DDX59: variants seen among roughly 807,000 people sequenced by gnomAD.
DDX59 encodes probable ATP-dependent RNA helicase DDX59.
DDX59 carries 30 observed loss-of-function variants against 51.9 expected under a neutral mutation model. That is an observed-to-expected ratio of 0.58 (90% CI 0.43 to 0.78). DDX59 has a LOEUF of 0.78. Ranked by LOEUF, DDX59 falls within the 30% of genes least tolerant of loss-of-function variation. DDX59 has a pLI of 0.00. For missense variants in DDX59, 672 were observed against 730.8 expected, an observed-to-expected ratio of 0.92 and a Z score of 0.93; for synonymous variants, 255 against 253.3, an observed-to-expected ratio of 1.01 and a Z score of -0.06.
chr1:200,666,188 G>C lies in DDX59; in HGVS notation c.553C>G (p.Leu185Val), dbSNP rs1482504831. Residue 185 changes from leucine (L) to valine (V), a missense_variant, in exon 2 of 8, where the codon CTT becomes GTT. Transcript: ENST00000331314. ...LNLQEDQIEN[L>V]KQQLGILVQG... ...ACTAAAATTCCCAGCTGCTGTTTAA[G>C]ATTTTCAATCTGGTCTTCCTGAAGG... The C allele has an allele frequency of 3.7e-6, 6 of 1,614,078 alleles. No homozygotes were observed. Among genetic ancestry groups the C allele is most frequent in the Non-Finnish European group, 4.2e-6 (5 of 1,180,042 alleles).
At chr1:200,667,350 T>G (rs1382367576) in intron 1 of DDX59, among the ~76,000 whole-genome samples, 1 of 152,140 alleles carries the variant, frequency 6.6e-6, no homozygotes, top group African/African-American at 2.4e-5. Context: ...GCGGTGAGCC[T>G]AAGACCTCAC....
chr1:200,652,007 C>CA (rs71135375), intron 4 of DDX59, among the ~76,000 whole-genome samples: 53 of 82,858 alleles, frequency 6.4e-4, no homozygotes, highest in Admixed American at 1.1e-3. Flanking sequence ...GCCTCCGTCT[C>CA]AAAAAAAAAA....
At chr1:200,648,277 T>A (rs1212610481) in intron 7 of DDX59, among the ~76,000 whole-genome samples, 162 bp downstream of exon 7, 2 of 152,110 alleles carry the variant, frequency 1.3e-5, no homozygotes, top group African/African-American at 2.4e-5. Context: ...GATCCATCCA[T>A]TTCGAGTGAT....
chr1:200,655,933 C>T (rs1345959356), intron 4 of DDX59, among the ~76,000 whole-genome samples: 3 of 152,114 alleles, frequency 2.0e-5, no homozygotes, highest in East Asian at 1.9e-4. Context: ...CGGGTTCAAG[C>T]GATTCTCTTG....
At chr1:200,658,926 G>A in intron 4 of DDX59, 101 bp downstream of exon 4, 7 of 1,007,010 alleles carry the variant, frequency 7.0e-6, no homozygotes, top group East Asian at 2.5e-5. Context: ...GGTTTTTTTT[G>A]AGAGAGAGAA....
intron 1 of DDX59, among the ~76,000 whole-genome samples, chr1:200,666,959 T>C (rs1347856518): frequency 2.1e-5 from 3 of 145,894 alleles, no homozygotes; most frequent in African/African-American, 5.1e-5. Flanking sequence ...AATACAAAAA[T>C]TAACTGGGCA....
intron 4 of DDX59, among the ~76,000 whole-genome samples, chr1:200,655,853 G>C (rs536442817): frequency 6.7e-6 from 1 of 149,336 alleles, no homozygotes; most frequent in South Asian, 2.1e-4. Flanking sequence ...TTTTTGAGAC[G>C]GAGTTTCACT....
chr1:200,664,713 T>C (rs1025032126), intron 2 of DDX59, among the ~76,000 whole-genome samples: 4 of 152,156 alleles, frequency 2.6e-5, no homozygotes. Flanking sequence ...TTCACTCTTA[T>C]TGCCCAGGCT....
chr1:200,649,159 C>T lies in DDX59; in HGVS notation c.1382G>A (p.Ser461Asn), dbSNP rs1419515113. Reference protein sequence around the residue: ...VDCKLGADLLSEAVQKITGLK... With the variant: ...VDCKLGADLLNEAVQKITGLK... ...CCCTGTGATTTTCTGAACGGCTTCA[C>T]TCAAAAGATCTGCTCCTAGTTTGCA... Residue 461 changes from serine (S) to asparagine (N), a missense_variant, in exon 6 of 8, where the codon AGT becomes AAT. Ser to Asn is a conservative substitution (Grantham distance 46). Transcript: ENST00000331314. The T allele has an allele frequency of 6.3e-7, 1 of 1,598,042 alleles. No individual in the cohort carries two copies. The highest frequency in any genetic ancestry group is 1.1e-5 in the South Asian group (1 of 87,890).
At chr1:200,643,111 T>C (rs1661095777), downstream of DDX59, among the ~76,000 whole-genome samples, 1 of 151,896 alleles carries the variant, frequency 6.6e-6, no homozygotes, top group Non-Finnish European at 1.5e-5. Context: ...AGGAGGATCA[T>C]TTGAGGCCAG....
intron 3 of DDX59, among the ~76,000 whole-genome samples, chr1:200,659,645 T>C (rs1189204452): frequency 1.3e-5 from 2 of 152,242 alleles, no homozygotes; most frequent in Non-Finnish European, 2.9e-5. Flanking sequence ...AAGTGATTTC[T>C]AAGGTTGCTT....
At position 200,649,063 on chromosome 1, in the gene DDX59, G is replaced by T; in HGVS notation, c.1467+11C>A. ...TATAGAAAACAGAATATAGAATATT[G>T]GGTGTCAAACCTTCAATATGTTTTT... On this transcript the variant is annotated intron_variant, in intron 6 of 7. Coordinates refer to ENST00000331314, the MANE Select transcript of DDX59 (RefSeq NM_001031725.6). 1 of 1,545,608 alleles carries T rather than the reference G, an allele frequency of 6.5e-7. No homozygotes were observed. Among genetic ancestry groups the T allele is most frequent in the South Asian group, 1.3e-5 (1 of 79,106 alleles).
intron 7 of DDX59, among the ~76,000 whole-genome samples, chr1:200,645,231 A>T (rs564450972): frequency 3.5e-4 from 54 of 152,324 alleles, no homozygotes; most frequent in African/African-American, 1.3e-3. Context: ...AGGCTACTTA[A>T]GAGGCCTTGA....
At chr1:200,646,936 C>T (rs768306329) in intron 7 of DDX59, among the ~76,000 whole-genome samples, 2 of 152,090 alleles carry the variant, frequency 1.3e-5, no homozygotes, top group East Asian at 1.9e-4. Flanking sequence ...AGTACCGATA[C>T]GTTCTATGAT....
downstream of DDX59, among the ~76,000 whole-genome samples, chr1:200,641,660 A>G (rs1388548185): frequency 6.6e-6 from 1 of 151,716 alleles, no homozygotes; most frequent in Non-Finnish European, 1.5e-5. Context: ...CCTGAGGTCC[A>G]GAGTTTGAGA....
chr1:200,640,942 G>C (rs921384981), downstream of DDX59: 1 of 215,062 alleles, frequency 4.6e-6, no homozygotes, highest in Middle Eastern at 2.0e-3. Flanking sequence ...TATAAAATAG[G>C]TTCTCACACT....
chr1:200,660,840 G>A (rs1662330113), intron 3 of DDX59, among the ~76,000 whole-genome samples: 1 of 152,154 alleles, frequency 6.6e-6, no homozygotes, highest in African/African-American at 2.4e-5. Flanking sequence ...GAGTTCAGCA[G>A]GGCCAACTGC....
downstream of DDX59, chr1:200,641,118 T>C: frequency 7.9e-7 from 1 of 1,270,072 alleles, no homozygotes; most frequent in Non-Finnish European, 1.0e-6. Context: ...TCACCTTGGA[T>C]GACACGTTAC....
downstream of DDX59, among the ~76,000 whole-genome samples, chr1:200,643,742 CT>C (rs61672030): frequency 0.74 from 112,347 of 151,884 alleles, 42,523 homozygotes; most frequent in Non-Finnish European, 0.84. Context: ...GATAAGTAGC[CT>C]ATCTTATTTT....
Sources: allele counts gnomAD v4.1 joint callset (sites outside exome capture counted in the v4.1 genomes callset), GRCh38; gene constraint gnomAD v4.1.1; transcripts MANE v1.5; gene names NCBI Gene and HGNC (gene_info 2026-07-23, HGNC 2026-07-21).